CMYA5: variants seen among roughly 807,000 people sequenced by gnomAD.
CMYA5 encodes cardiomyopathy associated 5.
In CMYA5, 246 loss-of-function variants were observed where a neutral mutation model predicts 318.9. The observed-to-expected ratio is 0.77, with a 90% CI of 0.70 to 0.86. The LOEUF is 0.86. CMYA5 is among the 40% of genes least tolerant of loss of function. The probability of loss-of-function intolerance (pLI) is 0.00; values close to 1 mark genes in which losing one functional copy is unlikely to be tolerated. For missense variants in CMYA5, 4,589 were observed against 4,678.2 expected (o/e 0.98, Z 0.56); for synonymous variants, 1,641 against 1,729.5 (o/e 0.95, Z 1.27).
At chr5:79,713,384 A>T (rs1277320016) in intron 1 of CMYA5, among the ~76,000 whole-genome samples, 3 of 149,324 alleles carry the variant, frequency 2.0e-5, no homozygotes, top group Non-Finnish European at 3.0e-5. Flanking sequence ...ACCTCCCAAG[A>T]CCACAAATAA....
chr5:79,713,504 G>C (rs1304062893), intron 1 of CMYA5, among the ~76,000 whole-genome samples: 1 of 151,950 alleles, frequency 6.6e-6, no homozygotes, highest in Non-Finnish European at 1.5e-5. Context: ...TTTGTCCTTA[G>C]TTTTTTATAA....
intron 12 of CMYA5, among the ~76,000 whole-genome samples, chr5:79,796,956 G>A (rs1829287836): frequency 1.3e-5 from 2 of 152,166 alleles, no homozygotes; most frequent in South Asian, 4.1e-4. Flanking sequence ...TATGAAAAGT[G>A]TGATATGTCT....
In CMYA5 at chr5:79,730,794, A is replaced by C; in HGVS notation, c.2029A>C (p.Met677Leu). The C allele has an allele frequency of 6.2e-7, 1 of 1,613,820 alleles. No individual in the cohort carries two copies. The highest frequency in any genetic ancestry group is 1.1e-5 in the South Asian group (1 of 91,060). The change falls in exon 2 of 13, where the codon ATG (methionine) becomes CTG (leucine). Residue 677 changes from methionine to leucine, a missense_variant. By Grantham distance (15) the Met-to-Leu change is conservative. Transcript: ENST00000446378. ...GTTTTCAACAGTTACACCAGAATAC[A>C]TGGTCCTATCAGGAGACGAGGCCTC... ...PLFSTVTPEYMVLSGDEASES... is the reference protein window; with the variant it reads ...PLFSTVTPEYLVLSGDEASES...
chr5:79,759,503 A>G (rs766585286), intron 7 of CMYA5, among the ~76,000 whole-genome samples: 1 of 152,220 alleles, frequency 6.6e-6, no homozygotes, highest in Non-Finnish European at 1.5e-5. Flanking sequence ...GTGGATAGAA[A>G]TGAAAGTGCT....
chr5:79,767,774 A>C (rs974860406), intron 9 of CMYA5, among the ~76,000 whole-genome samples: 1 of 152,208 alleles, frequency 6.6e-6, no homozygotes, highest in African/African-American at 2.4e-5. Flanking sequence ...AAGAATGTAT[A>C]TTCTGTTGAT....
chr5:79,704,702 A>G (rs1486996200), intron 1 of CMYA5, among the ~76,000 whole-genome samples: 2 of 151,986 alleles, frequency 1.3e-5, no homozygotes, highest in Non-Finnish European at 2.9e-5. Context: ...GGAGAGAAAG[A>G]GAGAGAAAGA....
chr5:79,726,899 T>C (rs1353333166), intron 1 of CMYA5, among the ~76,000 whole-genome samples: 2 of 148,796 alleles, frequency 1.3e-5, no homozygotes, highest in African/African-American at 5.1e-5. Flanking sequence ...TAGGATTGTT[T>C]AGGCCAGTGA....
At chr5:79,714,223 C>T (rs1827468929) in intron 1 of CMYA5, among the ~76,000 whole-genome samples, 1 of 152,020 alleles carries the variant, frequency 6.6e-6, no homozygotes, top group Non-Finnish European at 1.5e-5. Flanking sequence ...CATGTTGTTC[C>T]TTTTACCTGA....
At chr5:79,790,874 G>A in intron 10 of CMYA5, 96 bp from the exon 11 acceptor site, 1 of 767,848 alleles carries the variant, frequency 1.3e-6, no homozygotes, top group Non-Finnish European at 2.2e-6. Context: ...TTTGACGTCA[G>A]GGGAAAGAGT....
intron 5 of CMYA5, among the ~76,000 whole-genome samples, chr5:79,752,183 C>T (rs1828443205): frequency 6.6e-6 from 1 of 152,084 alleles, no homozygotes; most frequent in South Asian, 2.1e-4. Context: ...ATGCCTGGGA[C>T]ATAGTAAATA....
In CMYA5 at chr5:79,793,541, C is replaced by T. The variant is rs373253937; in HGVS notation, c.11894C>T (p.Ser3965Leu). 52 of 1,613,730 alleles carry T rather than the reference C, an allele frequency of 3.2e-5. No homozygotes were observed. The highest frequency in any genetic ancestry group is 8.8e-5 in the South Asian group (8 of 91,068). Residue 3965 changes from serine (S) to leucine (L), a missense_variant, in exon 12 of 13, where the codon TCG (serine) becomes TTG (leucine). Transcript: ENST00000446378. ...TATCGACTCGGCATCTGCTCCAGCT[C>T]GGCTGTGCAGGCAGGTGCCCTAGGA... ...PAYRLGICSSSAVQAGALGQG... is the reference protein window; with the variant it reads ...PAYRLGICSSLAVQAGALGQG...
At chr5:79,706,826 G>A (rs1406153480) in intron 1 of CMYA5, among the ~76,000 whole-genome samples, 1 of 152,054 alleles carries the variant, frequency 6.6e-6, no homozygotes, top group Non-Finnish European at 1.5e-5. Flanking sequence ...ATAATCAGGA[G>A]CATTTCATCT....
intron 1 of CMYA5, among the ~76,000 whole-genome samples, chr5:79,713,855 T>C (rs1195251774): frequency 6.6e-6 from 1 of 152,304 alleles, no homozygotes; most frequent in East Asian, 1.9e-4. Flanking sequence ...GGAAAGAAGA[T>C]ACTCACTACT....
chr5:79,713,297 G>GCC (rs1161319591), intron 1 of CMYA5, among the ~76,000 whole-genome samples: 4 of 24,244 alleles, frequency 1.6e-4, no homozygotes, highest in Non-Finnish European at 4.6e-4. Context: ...GCTGCACCCC[G>GCC]CCCCCACCCC....
rs1829333660 is a variant in CMYA5 at position 79,799,504 on chromosome 5, T to C, written c.12098T>C (p.Ile4033Thr). ...GCAGAGAGCGAGCAGTTGCTCTTCA[T>C]CATCAGGCACAGGTTTAATGAGGGT... ...INAESEQLLF[I>T]IRHRFNEGVH... Residue 4033 changes from isoleucine (I) to threonine (T), a missense_variant, in exon 13 of 13, where the codon ATC becomes ACC. Around this residue, in one of 3 missense-constraint regions of CMYA5, gnomAD observed 2,431 missense variants for 2,495.1 expected, o/e 0.97. Transcript: ENST00000446378. The C allele has an allele frequency of 6.2e-7, 1 of 1,613,892 alleles. No individual in the cohort carries two copies. The highest frequency in any genetic ancestry group is 1.3e-5 in the African/African-American group (1 of 74,918).
At chr5:79,695,433 A>C (rs1182268729) in intron 1 of CMYA5, among the ~76,000 whole-genome samples, 2 of 152,222 alleles carry the variant, frequency 1.3e-5, no homozygotes, top group East Asian at 3.8e-4. Flanking sequence ...GATATCTTAC[A>C]TTATTTTGTA....
rs1186258190 is a variant in CMYA5, at chr5:79,739,143, C to T, written c.10378C>T (p.His3460Tyr). ...ATCTCAAGGAAAGGAATCCTTTGAGCACATCAGTGAAAATGAATTTGCGAG... is the reference window on the plus strand; with the variant it reads ...ATCTCAAGGAAAGGAATCCTTTGAGTACATCAGTGAAAATGAATTTGCGAG... ...VLSQGKESFEHISENEFASEA... is the reference protein window; with the variant it reads ...VLSQGKESFEYISENEFASEA... The change falls in exon 2 of 13, where the codon CAC becomes TAC. Residue 3460 changes from histidine to tyrosine, a missense_variant. Transcript: ENST00000446378. 6.2e-7 allele frequency: 1 copy of T among 1,613,702 alleles called. No homozygotes were observed.
At chr5:79,706,508 G>A (rs558239322) in intron 1 of CMYA5, among the ~76,000 whole-genome samples, 4 of 152,288 alleles carry the variant, frequency 2.6e-5, no homozygotes, top group Admixed American at 1.3e-4. Context: ...AACGGAGTAC[G>A]CCTTAACCCT....
At chr5:79,690,353 A>C (rs757650378) in intron 1 of CMYA5, among the ~76,000 whole-genome samples, 2 of 152,174 alleles carry the variant, frequency 1.3e-5, no homozygotes, top group Non-Finnish European at 2.9e-5. Flanking sequence ...GTGCTGGAAC[A>C]CGTACATCTG....
Sources: gnomAD v4.1 joint callset for allele counts (sites outside exome capture counted in the v4.1 genomes callset) on GRCh38, gnomAD v4.1.1 for gene constraint, gnomAD v4.1.1 regional missense constraint, MANE v1.5 for transcripts, NCBI Gene and HGNC (gene_info 2026-07-23, HGNC 2026-07-21) for gene names.